Variants in OCA2 observed in about 807,000 individuals in gnomAD.
The protein encoded by OCA2 is OCA2 melanosomal transmembrane protein, also known as P protein.
A neutral mutation model predicts 100.2 loss-of-function variants in OCA2; 77 were observed. That is an observed-to-expected ratio of 0.77 (90% CI 0.64 to 0.93). OCA2 has a LOEUF of 0.93. Ranked by LOEUF, OCA2 falls within the 40% of genes least tolerant of loss-of-function variation. The pLI is 0.00. For missense variants in OCA2, 1,062 were observed against 1,089.1 expected, an observed-to-expected ratio of 0.98 and a Z score of 0.35; for synonymous variants, 432 against 439.2, an observed-to-expected ratio of 0.98 and a Z score of 0.21.
At chr15:28,097,794 G>A (rs7175878) in intron 1 of OCA2, among the ~76,000 whole-genome samples, 152,272 of 152,308 alleles carry the variant, frequency 1, 76,118 homozygotes, top group Middle Eastern at 1. Context: ...CCCCCCTGCA[G>A]CTCACCAGTG....
At chr15:27,816,123 C>T (rs920591843) in intron 23 of OCA2, among the ~76,000 whole-genome samples, 32 of 152,088 alleles carry the variant, frequency 2.1e-4, no homozygotes, top group African/African-American at 7.5e-4. Flanking sequence ...AACAAGAGCA[C>T]AACTCCATCT....
At chr15:27,922,680 GGTGTGTGTGTGTGTGT>G (rs60426286) in intron 19 of OCA2, among the ~76,000 whole-genome samples, 49,043 of 147,120 alleles carry the variant, frequency 0.33, 8,560 homozygotes, top group Middle Eastern at 0.52. Flanking sequence ...TTTTGTTTGG[GGTGTGTGTGTGTGTGT>G]GTGTGTGTGT....
intron 2 of OCA2, among the ~76,000 whole-genome samples, chr15:28,058,683 C>T (rs183950984): frequency 5.3e-5 from 8 of 152,332 alleles, no homozygotes; most frequent in Admixed American, 3.9e-4. Flanking sequence ...ATGTATGTTG[C>T]TCTTTTGTAT....
At chr15:27,740,555 T>A in the OCA2 span, among the ~76,000 whole-genome samples, 2 of 152,196 alleles carry the variant, frequency 1.3e-5, no homozygotes, top group African/African-American at 4.8e-5. Context: ...CAAAAGTACA[T>A]GCAGTGCAAG....
chr15:28,051,024 C>G (rs1290871260), intron 2 of OCA2, among the ~76,000 whole-genome samples: 1 of 152,214 alleles, frequency 6.6e-6, no homozygotes, highest in Admixed American at 6.5e-5. Context: ...GGCATGGTGA[C>G]TTGGGTTGTG....
rs766051204 is a variant in OCA2 at position 28,081,738 on chromosome 15, T to A, written c.137A>T (p.Asp46Val). 1.9e-6 allele frequency: 3 copies of A among 1,613,506 alleles called. No homozygotes were observed. The highest frequency in any genetic ancestry group is 1.1e-5 in the South Asian group (1 of 91,058). The change falls in exon 2 of 24, where the codon GAC becomes GTC. Residue 46 changes from aspartate to valine, a missense_variant. Asp to Val is a radical substitution (Grantham distance 152, BLOSUM62 -3). Coordinates refer to ENST00000354638, the MANE Select transcript of OCA2 (RefSeq NM_000275.3). Reference sequence around the variant, plus strand: ...CCCCCTGGGGCAGGAGTGCGAGGGGTCAGCTCCACCGGCTCCCCGAGGAAG... The same window carrying A: ...CCCCCTGGGGCAGGAGTGCGAGGGGACAGCTCCACCGGCTCCCCGAGGAAG... ...RRLPRGAGGA[D>V]PSHSCPRGAA...
At chr15:27,752,089 C>T (rs1341116974), downstream of OCA2, among the ~76,000 whole-genome samples, 1 of 152,214 alleles carries the variant, frequency 6.6e-6, no homozygotes, top group Non-Finnish European at 1.5e-5. Context: ...GCCACGTTGC[C>T]TGCGTGGGGC....
chr15:28,083,178 G>A (rs1447107592), intron 1 of OCA2, among the ~76,000 whole-genome samples: 1 of 152,186 alleles, frequency 6.6e-6, no homozygotes, highest in African/African-American at 2.4e-5. Flanking sequence ...AATTCCAGTG[G>A]ACCCAGGATG....
At chr15:28,029,994 A>G (rs1198275097) in intron 3 of OCA2, among the ~76,000 whole-genome samples, 1 of 152,260 alleles carries the variant, frequency 6.6e-6, no homozygotes, top group Non-Finnish European at 1.5e-5. Flanking sequence ...ATGCTTACAC[A>G]TTAATGGTTT....
intron 1 of OCA2, among the ~76,000 whole-genome samples, chr15:28,087,021 C>T (rs915463084): frequency 3.9e-5 from 6 of 152,142 alleles, no homozygotes; most frequent in East Asian, 1.9e-4. Flanking sequence ...AAGTATTTGA[C>T]GATCTCATGG....
chr15:28,085,221 C>T (rs562553063), intron 1 of OCA2, among the ~76,000 whole-genome samples: 14 of 152,272 alleles, frequency 9.2e-5, no homozygotes, highest in African/African-American at 2.2e-4. Flanking sequence ...ACAGTGTACG[C>T]GCCTGCTCTC....
chr15:27,951,787 G>A lies in OCA2; in HGVS notation c.1948C>T (p.Leu650Phe), dbSNP rs1480043322. ...ACCAAAGCTAAATTAGACTCACCAA[G>A]ATCAAGATGAATGCCAGGGACAAAC... ...NSFVPGIHLD[L>F]GWIAILGAIW... Residue 650 changes from leucine (L) to phenylalanine (F), a missense_variant, in exon 18 of 24, where the codon CTT becomes TTT. Leu to Phe is a conservative substitution (Grantham distance 22). Transcript: ENST00000354638. 2.6e-5 allele frequency: 42 copies of A among 1,600,134 alleles called. No homozygotes were observed. The highest frequency in any genetic ancestry group is 3.5e-5 in the Non-Finnish European group (41 of 1,167,266).
At chr15:27,978,930 A>C (rs1274531690) in intron 14 of OCA2, among the ~76,000 whole-genome samples, 1 of 152,124 alleles carries the variant, frequency 6.6e-6, no homozygotes, top group Non-Finnish European at 1.5e-5. Flanking sequence ...TAGGTGATCC[A>C]CCAGCCTCGG....
rs545071158 is a variant in OCA2, at chr15:28,083,739, A to AAG, written c.-21-1846_-21-1845dup. Among the ~76,000 whole-genome samples the AAG allele has an allele frequency of 1.0e-3, 153 of 152,250 alleles. 1 individual carries two copies. Among genetic ancestry groups the AAG allele is most frequent in the South Asian group, 5.8e-3 (28 of 4,824 alleles). On this transcript the variant is annotated intron_variant, in intron 1 of 23. Transcript: ENST00000354638. ...CAATTTAAAAGCACCATGACAAGCCAAGAGAGAGAGACTATGGAAGAAAGG... is the reference window on the plus strand; with the variant it reads ...CAATTTAAAAGCACCATGACAAGCCAAGAGAGAGAGAGACTATGGAAGAAAGG...
chr15:27,848,213 C>A (rs572886021), intron 22 of OCA2, among the ~76,000 whole-genome samples: 1 of 152,304 alleles, frequency 6.6e-6, no homozygotes, highest in Admixed American at 6.5e-5. Flanking sequence ...ACCAGAAACC[C>A]AGCTGCCCAT....
In OCA2 at chr15:27,957,081, G is replaced by C. The variant is rs1321558498; in HGVS notation, c.1784+507C>G. ...GGAACTCAGCAACATGTCATAGCAA[G>C]GAGAAAAACCACCAATTCATGGTTA... On this transcript the variant is annotated intron_variant, in intron 16 of 23. Coordinates refer to ENST00000354638, the MANE Select transcript of OCA2 (RefSeq NM_000275.3). The surrounding 1 kb of genome is among the most constrained non-coding windows in gnomAD (Gnocchi z 4.3). 1.3e-5 allele frequency among the ~76,000 whole-genome samples: 2 copies of C among 152,168 alleles called. No individual in the cohort carries two copies. Among genetic ancestry groups the C allele is most frequent in the Non-Finnish European group, 2.9e-5 (2 of 68,036 alleles).
Position 27,985,078 on chromosome 15 carries a change from C to T in OCA2, c.1350G>A (p.Thr450=), listed in dbSNP as rs368781328. The change falls in exon 13 of 24, where the codon ACG becomes ACA. Residue 450 remains threonine (T), a synonymous_variant. Coordinates refer to ENST00000354638, the MANE Select transcript of OCA2 (RefSeq NM_000275.3). The part of the protein sequence containing the change: ...LDNVTTMLLF[T]PVTIRLCEVL... ...GCTTTGCGTACCTTATGGTCACAGG[C>T]GTGAAGAGGAGCATGGTGGTGACGT... 4.3e-6 allele frequency: 7 copies of T among 1,613,758 alleles called. No homozygotes were observed. The highest frequency in any genetic ancestry group is 2.7e-5 in the African/African-American group (2 of 74,902).
chr15:27,825,876 C>T (rs910032133), intron 23 of OCA2, among the ~76,000 whole-genome samples: 1 of 152,222 alleles, frequency 6.6e-6, no homozygotes, highest in African/African-American at 2.4e-5. Context: ...TAATGAGGAA[C>T]CATTTCTACT....
In OCA2 at chr15:28,024,850, A is replaced by G; in HGVS notation, c.568T>C (p.Cys190Arg). The stretch of plus-strand genomic sequence containing the variant: ...GGGGCAGCTAAGGTACTCACAGAAC[A>G]CAGCACCACAAAGGCAAACAGGCCC... ...VMGLFAFVVL[C>R]SILFSLYPDQ... The change falls in exon 5 of 24, where the codon TGT becomes CGT. Residue 190 changes from cysteine (C) to arginine (R), a missense_variant. Physicochemically the swap from Cys to Arg is radical, Grantham distance 180. Coordinates refer to ENST00000354638, the MANE Select transcript of OCA2 (RefSeq NM_000275.3). 1 of 1,614,230 alleles carries G rather than the reference A, an allele frequency of 6.2e-7. No individual in the cohort carries two copies. Among genetic ancestry groups the G allele is most frequent in the African/African-American group, 1.3e-5 (1 of 75,072 alleles).
Sources: allele counts gnomAD v4.1 joint callset (sites outside exome capture counted in the v4.1 genomes callset), GRCh38; gene constraint gnomAD v4.1.1; non-coding constraint Gnocchi (gnomAD v3.1); transcripts MANE v1.5; gene names NCBI Gene and HGNC (gene_info 2026-07-23, HGNC 2026-07-21).